The following PCDH7 variants were observed in gnomAD, a reference collection of about 807,000 sequenced individuals.
PCDH7 encodes the protein protocadherin-7.
A neutral mutation model predicts 58.9 loss-of-function variants in PCDH7; 17 were observed. That is an observed-to-expected ratio of 0.29 (90% CI 0.20 to 0.43). The LOEUF is 0.43. Ranked by LOEUF, PCDH7 falls within the 20% of genes least tolerant of loss-of-function variation. The probability of loss-of-function intolerance (pLI) is 1.00; values close to 1 mark genes in which losing one functional copy is unlikely to be tolerated. For missense variants in PCDH7, 1,274 were observed against 1,441.0 expected (o/e 0.88, Z 1.88); for synonymous variants, 664 against 616.4 (o/e 1.08, Z -1.14).
intron 3 of PCDH7, among the ~76,000 whole-genome samples, chr4:31,096,489 T>C (rs1714002577): frequency 6.6e-6 from 1 of 152,134 alleles, no homozygotes; most frequent in South Asian, 2.1e-4. Flanking sequence ...CTCAATTAAA[T>C]TAAAGGGTAG....
intron 1 of PCDH7, among the ~76,000 whole-genome samples, chr4:30,841,491 A>G (rs1393831747): frequency 6.6e-6 from 1 of 152,142 alleles, no homozygotes; most frequent in Non-Finnish European, 1.5e-5. Context: ...ATGATGTTTT[A>G]GTTTAATCTA....
intron 3 of PCDH7, among the ~76,000 whole-genome samples, chr4:31,038,776 T>G (rs1476655247): frequency 6.6e-6 from 1 of 152,178 alleles, no homozygotes; most frequent in African/African-American, 2.4e-5. Flanking sequence ...CTTCTATTGA[T>G]GGACATTAGA....
intron 1 of PCDH7, among the ~76,000 whole-genome samples, chr4:30,900,694 A>C (rs1346261795): frequency 6.6e-6 from 1 of 152,184 alleles, no homozygotes; most frequent in Non-Finnish European, 1.5e-5. Context: ...ATAGACATAA[A>C]AAATGCTAAA....
At chr4:31,083,151 T>C (rs1315032788) in intron 3 of PCDH7, among the ~76,000 whole-genome samples, 1 of 151,842 alleles carries the variant, frequency 6.6e-6, no homozygotes, top group African/African-American at 2.4e-5. Flanking sequence ...ACACATTAAG[T>C]ACAATGTACA....
intron 3 of PCDH7, among the ~76,000 whole-genome samples, chr4:31,091,117 T>A (rs897778568): frequency 1.3e-5 from 2 of 152,004 alleles, no homozygotes; most frequent in African/African-American, 4.8e-5. Flanking sequence ...ATGTCTTTAT[T>A]ATATCCTGTC....
intron 1 of PCDH7, among the ~76,000 whole-genome samples, chr4:30,762,369 T>C (rs567931746): frequency 1.3e-5 from 2 of 152,176 alleles, no homozygotes; most frequent in Non-Finnish European, 1.5e-5. Flanking sequence ...ATAACTAAAC[T>C]GATCCAATAT....
intron 3 of PCDH7, among the ~76,000 whole-genome samples, chr4:31,125,075 T>A (rs528677965): frequency 6.6e-6 from 1 of 151,944 alleles, no homozygotes; most frequent in Admixed American, 6.6e-5. Flanking sequence ...GATAAACCTG[T>A]TTTTTTTAGC....
chr4:31,141,857 G>A (rs80126462), intron 3 of PCDH7, among the ~76,000 whole-genome samples: 3 of 152,116 alleles, frequency 2.0e-5, no homozygotes, highest in African/African-American at 4.8e-5. Context: ...GGGCAGGTGC[G>A]TGATATTGCT....
At chr4:31,021,689 A>G (rs888538873) in intron 3 of PCDH7, among the ~76,000 whole-genome samples, 5 of 152,030 alleles carry the variant, frequency 3.3e-5, no homozygotes, top group Admixed American at 6.6e-5. Flanking sequence ...TGCAGCACCA[A>G]TACTTTTTTT....
chr4:30,879,565 A>C (rs181375984), intron 1 of PCDH7, among the ~76,000 whole-genome samples: 3 of 152,138 alleles, frequency 2.0e-5, no homozygotes, highest in African/African-American at 4.8e-5. Context: ...CCTAATTGTC[A>C]TATCATGGAG....
At chr4:30,966,709 G>A (rs908987439) in intron 3 of PCDH7, among the ~76,000 whole-genome samples, 2 of 152,120 alleles carry the variant, frequency 1.3e-5, no homozygotes, top group Non-Finnish European at 2.9e-5. Flanking sequence ...AAACAAAACA[G>A]GAGGCACTCT....
chr4:31,015,143 G>A (rs28733255), intron 3 of PCDH7, among the ~76,000 whole-genome samples: 12,744 of 152,196 alleles, frequency 0.084, 979 homozygotes, highest in African/African-American at 0.2. Context: ...ACTTGGCAAT[G>A]AGAAAGTTCC....
At chr4:30,853,919 A>T (rs1288477524) in intron 1 of PCDH7, among the ~76,000 whole-genome samples, 2 of 152,038 alleles carry the variant, frequency 1.3e-5, no homozygotes, top group East Asian at 3.9e-4. Context: ...TTAAAAGCAA[A>T]TGTAAATTTA....
chr4:30,885,530 GTGTGTGTGCA>G (rs1347262679), intron 1 of PCDH7, among the ~76,000 whole-genome samples: 1 of 152,106 alleles, frequency 6.6e-6, no homozygotes, highest in Non-Finnish European at 1.5e-5. Flanking sequence ...CTCTCTGTGT[GTGTGTGTGCA>G]TGTGTGTGCA....
At chr4:31,145,732 G>T (rs990504978), downstream of PCDH7, 1 of 152,030 alleles carries the variant, frequency 6.6e-6, no homozygotes, top group African/African-American at 2.4e-5. Context: ...GCATTAATAT[G>T]GGCTGCTTAA....
intron 3 of PCDH7, among the ~76,000 whole-genome samples, chr4:31,109,551 G>C (rs1716022697): frequency 6.6e-6 from 1 of 152,152 alleles, no homozygotes; most frequent in Non-Finnish European, 1.5e-5. Flanking sequence ...TTAGCTAGGT[G>C]TTCATGACTG....
At chr4:30,805,084 T>C (rs896280815) in intron 1 of PCDH7, among the ~76,000 whole-genome samples, 2 of 152,238 alleles carry the variant, frequency 1.3e-5, no homozygotes, top group African/African-American at 4.8e-5. Flanking sequence ...TGGAGCACTT[T>C]GTATCACTCT....
chr4:30,877,652 A>G (rs1736463909), intron 1 of PCDH7, among the ~76,000 whole-genome samples: 1 of 152,176 alleles, frequency 6.6e-6, no homozygotes, highest in Admixed American at 6.5e-5. Flanking sequence ...TTTCAACTGT[A>G]TCCTATTCTT....
chr4:31,067,540 G>C (rs1321195685), intron 3 of PCDH7, among the ~76,000 whole-genome samples: 1 of 151,942 alleles, frequency 6.6e-6, no homozygotes, highest in Non-Finnish European at 1.5e-5. Flanking sequence ...ACTTAGCATA[G>C]TGTCAGTAGG....
Sources: allele counts gnomAD v4.1 joint callset (sites outside exome capture counted in the v4.1 genomes callset), GRCh38; gene constraint gnomAD v4.1.1; transcripts MANE v1.5; gene names NCBI Gene and HGNC (gene_info 2026-07-23, HGNC 2026-07-21).